The following SLC35E2B variants were observed in gnomAD, a reference collection of about 807,000 sequenced individuals.
SLC35E2B encodes the protein solute carrier family 35 member E2B, also known as solute carrier family 35, member E2B.
SLC35E2B carries 18 observed loss-of-function variants against 32.4 expected under a neutral mutation model. The observed-to-expected ratio is 0.56, with a 90% CI of 0.38 to 0.82. The LOEUF (loss-of-function observed/expected upper bound fraction) is 0.82. Ranked by LOEUF, SLC35E2B falls within the 40% of genes least tolerant of loss-of-function variation. SLC35E2B has a pLI of 0.00. For missense variants in SLC35E2B, 263 were observed against 469.5 expected, an observed-to-expected ratio of 0.56 and a Z score of 4.06; for synonymous variants, 132 against 209.1, an observed-to-expected ratio of 0.63 and a Z score of 3.18.
Position 1,671,585 on chromosome 1 carries a change from C to T in SLC35E2B, c.631G>A (p.Ala211Thr), listed in dbSNP as rs906419487. 4.5e-6 allele frequency: 7 copies of T among 1,549,176 alleles called. No individual in the cohort carries two copies. The highest frequency in any genetic ancestry group is 6.1e-6 in the Non-Finnish European group (7 of 1,145,936). ...LSLIPVMGGL[A>T]LCTATEISFN... ...CTGATCTCAGTGGCCGTGCACAGCG[C>T]CAGCCCGCCCATGACTGGGATGAGG... Residue 211 changes from alanine (A) to threonine (T), a missense_variant, in exon 6 of 10, where the codon GCG becomes ACG. Physicochemically the swap from Ala to Thr is moderately conservative, Grantham distance 58 (BLOSUM62 0). Transcript: ENST00000617444.
Position 1,664,286 on chromosome 1 carries a change from GCT to G in SLC35E2B, c.*1494_*1495del, listed in dbSNP as rs1643485967. ...TAGAAGTTAATGAGTCAGAATTATT[GCT>G]CTGTTTCTGAATGATTTTATCTTCA... is the stretch of plus-strand genomic sequence containing the variant. On this transcript the variant is annotated 3_prime_UTR_variant, in exon 10 of 10. Transcript: ENST00000617444. 2.3e-6 allele frequency: 2 copies of G among 884,242 alleles called. No homozygotes were observed. Among genetic ancestry groups the G allele is most frequent in the Admixed American group, 6.4e-5 (1 of 15,528 alleles). 54.8% of individuals were successfully genotyped at this position (884,242 alleles called of 1,614,324 possible).
At chr1:1,685,820 T>G (rs962363863) in intron 2 of SLC35E2B, among the ~76,000 whole-genome samples, 12 of 152,158 alleles carry the variant, frequency 7.9e-5, no homozygotes, top group African/African-American at 2.9e-4. Flanking sequence ...TACCGAGTTC[T>G]AAACATGCTT....
intron 2 of SLC35E2B, among the ~76,000 whole-genome samples, chr1:1,687,152 C>T (rs1234531042): frequency 2.0e-5 from 3 of 152,186 alleles, no homozygotes; most frequent in Admixed American, 6.5e-5. Context: ...CCCGAGCGCA[C>T]AGGCTTGAAC....
At chr1:1,669,772 G>C (rs760958681) in intron 7 of SLC35E2B, 36 bp from the exon 8 acceptor site, 6 of 1,546,404 alleles carry the variant, frequency 3.9e-6, no homozygotes, top group Non-Finnish European at 5.2e-6. Context: ...CCCCCGTGTC[G>C]GGACAGGCCG....
chr1:1,667,944 C>T (rs1330565472), intron 9 of SLC35E2B, among the ~76,000 whole-genome samples: 2 of 151,592 alleles, frequency 1.3e-5, no homozygotes, highest in African/African-American at 2.4e-5. Flanking sequence ...CCTCCGGCTC[C>T]TGGATTCAAG....
chr1:1,675,097 G>T (rs1253859597), intron 5 of SLC35E2B, among the ~76,000 whole-genome samples: 1 of 151,168 alleles, frequency 6.6e-6, no homozygotes, highest in African/African-American at 2.4e-5. Context: ...CAGGAGCCAC[G>T]GCCGCCTGTG....
chr1:1,678,002 C>T (rs1456714550), intron 2 of SLC35E2B, among the ~76,000 whole-genome samples: 1 of 151,766 alleles, frequency 6.6e-6, no homozygotes, highest in African/African-American at 2.4e-5. Flanking sequence ...CTCAGGCAGC[C>T]CGATTTCCTG....
chr1:1,681,163 C>T (rs1310806913), intron 2 of SLC35E2B, among the ~76,000 whole-genome samples: 1 of 152,050 alleles, frequency 6.6e-6, no homozygotes, highest in African/African-American at 2.4e-5. Flanking sequence ...AAACAGATTC[C>T]GGCCTGAAAC....
chr1:1,678,652 G>C (rs955658116), intron 2 of SLC35E2B, among the ~76,000 whole-genome samples: 13 of 152,040 alleles, frequency 8.6e-5, no homozygotes, highest in African/African-American at 3.1e-4. Context: ...CACAGCCTCG[G>C]AATAACAAAG....
intron 5 of SLC35E2B, among the ~76,000 whole-genome samples, chr1:1,675,144 C>A (rs557903164): frequency 1.3e-5 from 2 of 149,312 alleles, no homozygotes; most frequent in African/African-American, 4.9e-5. Flanking sequence ...CCGTCCTCTT[C>A]GGATCAGTGA....
chr1:1,662,558 C>G lies in SLC35E2B; in HGVS notation c.*3224G>C, dbSNP rs1236716319. The G allele has an allele frequency of 1.2e-6, 1 of 831,512 alleles. No homozygotes were observed. Among genetic ancestry groups the G allele is most frequent in the Non-Finnish European group, 1.5e-6 (1 of 689,592 alleles). The allele number at this position is 831,512 out of a possible 1,614,324, so 51.5% of individuals were successfully genotyped here. A position where few individuals can be genotyped will look rare whatever the true frequency, so the allele number is the denominator to read the frequency against. ...TGTTTAAAATGACTGTCTGACTCAC[C>G]ATGGTAATTTTTCACAAATTAAAGA... On this transcript the variant is annotated 3_prime_UTR_variant, in exon 10 of 10. Coordinates refer to ENST00000617444, the MANE Select transcript of SLC35E2B (RefSeq NM_001290264.2).
At chr1:1,671,486 C>G in intron 6 of SLC35E2B, 23 bp downstream of exon 6, 6 of 1,464,986 alleles carry the variant, frequency 4.1e-6, no homozygotes, top group Non-Finnish European at 4.6e-6. Context: ...GTCCCCCTCA[C>G]GCCCACCTTC....
intron 2 of SLC35E2B, among the ~76,000 whole-genome samples, chr1:1,683,436 T>C (rs1415567483): frequency 2.6e-5 from 4 of 152,134 alleles, no homozygotes; most frequent in African/African-American, 9.7e-5. Context: ...CAGAAAGCAC[T>C]TACGTTAAAA....
At position 1,661,628 on chromosome 1, in the gene SLC35E2B, C is replaced by A. The variant is rs1643402059; in HGVS notation, c.*4154G>T. On this transcript the variant is annotated 3_prime_UTR_variant, in exon 10 of 10. Transcript: ENST00000617444. ...CACCACAGCAGAATCAACAGTGACT[C>A]GCTAATTAACAGAACCGTTTGCTAG... is the stretch of plus-strand genomic sequence containing the variant. The A allele has an allele frequency of 2.6e-6, 1 of 387,130 alleles. No individual in the cohort carries two copies. Among genetic ancestry groups the A allele is most frequent in the Non-Finnish European group, 3.5e-6 (1 of 283,094 alleles). 24.0% of individuals were successfully genotyped at this position (387,130 alleles called of 1,614,324 possible).
chr1:1,690,305 A>T lies in SLC35E2B; in HGVS notation c.-148+671T>A, dbSNP rs561209137. ...CAAAAAAAAAAAAAAGAAACAAAAA[A>T]AAATATATATATATATATACATACC... On this transcript the variant is annotated intron_variant, in intron 2 of 9. Coordinates refer to ENST00000617444, the MANE Select transcript of SLC35E2B (RefSeq NM_001290264.2). Among the ~76,000 whole-genome samples the T allele has an allele frequency of 4.3e-3, 432 of 99,450 alleles. 7 individuals are homozygous for T. The highest frequency in any genetic ancestry group is 0.014 in the African/African-American group (409 of 30,108). 65.2% of individuals were successfully genotyped at this position (99,450 alleles called of 152,430 possible).
rs1570310969 is a variant in SLC35E2B at position 1,667,566 on chromosome 1, T to C, written c.980+761A>G. ...GGAAGCAGTGGCCACAGGTGTCTGT[T>C]CAAGTTCAAACTGACAGCAATCAGC... On this transcript the variant is annotated intron_variant, in intron 9 of 9. Coordinates refer to ENST00000617444, the MANE Select transcript of SLC35E2B (RefSeq NM_001290264.2). Among the ~76,000 whole-genome samples the C allele has an allele frequency of 4.6e-5, 7 of 152,240 alleles. 1 individual carries two copies. Among genetic ancestry groups the C allele is most frequent in the African/African-American group, 1.7e-4 (7 of 41,540 alleles).
Position 1,663,732 on chromosome 1 carries a change from G to A in SLC35E2B, c.*2050C>T, listed in dbSNP as rs1643466925. 3 of 588,616 alleles carry A rather than the reference G, an allele frequency of 5.1e-6. No homozygotes were observed. The highest frequency in any genetic ancestry group is 6.6e-5 in the Admixed American group (1 of 15,056). The allele number at this position is 588,616 out of a possible 1,614,324, so 36.5% of individuals were successfully genotyped here. A position where few individuals can be genotyped will look rare whatever the true frequency, so the allele number is the denominator to read the frequency against. On this transcript the variant is annotated 3_prime_UTR_variant, in exon 10 of 10. Transcript: ENST00000617444. ...GATCCGCCAGCTGCTGCCTCCCAAA[G>A]TGCTGCGATTAGAGGCGTGAGCCAC... is the stretch of plus-strand genomic sequence containing the variant.
intron 9 of SLC35E2B, among the ~76,000 whole-genome samples, chr1:1,667,646 C>T (rs1643581015): frequency 1.3e-5 from 2 of 152,110 alleles, no homozygotes; most frequent in Admixed American, 1.3e-4. Flanking sequence ...TGCTCAGAAG[C>T]TGTATGTGGC....
chr1:1,668,983 A>G (rs1009998712), intron 8 of SLC35E2B, among the ~76,000 whole-genome samples: 3 of 148,184 alleles, frequency 2.0e-5, no homozygotes, highest in African/African-American at 7.5e-5. Flanking sequence ...AGAGTGAGAT[A>G]TCATCTCCAA....
Sources: gnomAD v4.1 joint callset for allele counts (sites outside exome capture counted in the v4.1 genomes callset) on GRCh38, gnomAD v4.1.1 for gene constraint, MANE v1.5 for transcripts, NCBI Gene and HGNC (gene_info 2026-07-23, HGNC 2026-07-21) for gene names.